The following BAIAP2L2 variants were observed in gnomAD, a reference collection of about 807,000 sequenced individuals.
BAIAP2L2 encodes BAR/IMD domain containing adaptor protein 2 like 2.
BAIAP2L2 carries 65 observed loss-of-function variants against 60.4 expected under a neutral mutation model. That is an observed-to-expected ratio of 1.08 (90% confidence interval 0.88 to 1.32). The LOEUF (loss-of-function observed/expected upper bound fraction) is 1.32. Among genes scored for constraint, BAIAP2L2 ranks in the 40% most tolerant of loss-of-function variants. The pLI, the probability that BAIAP2L2 is intolerant of heterozygous loss-of-function variation, is 0.00. For synonymous variants in BAIAP2L2, 344 were observed against 301.7 expected (o/e 1.14, Z -1.45); for missense variants, 836 against 741.2 (o/e 1.13, Z -1.48).
chr22:38,089,542 T>A lies in BAIAP2L2; in HGVS notation c.745A>T (p.Thr249Ser). The A allele has an allele frequency of 1.6e-6, 2 of 1,220,794 alleles. No homozygotes were observed. 75.6% of individuals were successfully genotyped at this position (1,220,794 alleles called of 1,614,324 possible). The change falls in exon 8 of 14, where the codon ACG becomes TCG. Residue 249 changes from threonine to serine, a missense_variant. By Grantham distance (58) the Thr-to-Ser change is moderately conservative. Transcript: ENST00000381669. ...LGPPYPSGRL[T>S]PTCLDMPPRP... ...CTCACCATGTCCAGGCAGGTGGGCG[T>A]CAGGCGGCCCGAGGGGTAGGGCGGC... is the stretch of plus-strand genomic sequence containing the variant.
At chr22:38,109,727 C>T (rs1291915286) in intron 1 of BAIAP2L2, among the ~76,000 whole-genome samples, 1 of 152,050 alleles carries the variant, frequency 6.6e-6, no homozygotes, top group African/African-American at 2.4e-5. Context: ...TGGGGCCGGG[C>T]AGAGAGCTCC....
chr22:38,093,090 C>T (rs1260433029), intron 7 of BAIAP2L2, among the ~76,000 whole-genome samples: 1 of 152,128 alleles, frequency 6.6e-6, no homozygotes, highest in Non-Finnish European at 1.5e-5. Flanking sequence ...CGCTTGAACC[C>T]AGGAGGTGGA....
intron 7 of BAIAP2L2, among the ~76,000 whole-genome samples, chr22:38,096,593 TG>T (rs1239942903): frequency 6.6e-6 from 1 of 152,140 alleles, no homozygotes; most frequent in Non-Finnish European, 1.5e-5. Context: ...AGGGAGAGGT[TG>T]CAGTGAGCCG....
intron 4 of BAIAP2L2, among the ~76,000 whole-genome samples, chr22:38,104,665 GT>G (rs1229725938): frequency 6.6e-6 from 1 of 151,700 alleles, no homozygotes; most frequent in Non-Finnish European, 1.5e-5. Flanking sequence ...CCGGCTAATT[GT>G]TTTGTATTTT....
intron 4 of BAIAP2L2, among the ~76,000 whole-genome samples, chr22:38,105,479 A>C (rs1227487176): frequency 6.6e-6 from 1 of 151,144 alleles, no homozygotes; most frequent in Non-Finnish European, 1.5e-5. Flanking sequence ...AGCTGGGATT[A>C]CAGGCGCCCG....
At position 38,085,354 on chromosome 22, in the gene BAIAP2L2, A is replaced by G. The variant is rs2145911991; in HGVS notation, c.1536T>C (p.Thr512=). The G allele has an allele frequency of 1.9e-6, 3 of 1,614,080 alleles. No individual in the cohort carries two copies. Among genetic ancestry groups the G allele is most frequent in the Non-Finnish European group, 2.5e-6 (3 of 1,179,968 alleles). The change falls in exon 14 of 14, where the codon ACT becomes ACC. Residue 512 remains threonine (T), a synonymous_variant. Coordinates refer to ENST00000381669, the MANE Select transcript of BAIAP2L2 (RefSeq NM_025045.6). ...LFPRGTNPFA[T]VKLRPTITND... ...TGGTGATGGTGGGACGAAGCTTGAC[A>G]GTGGCAAAAGGATTTGTGCCCCTGT...
intron 6 of BAIAP2L2, among the ~76,000 whole-genome samples, chr22:38,097,823 G>C (rs2086474139): frequency 6.6e-6 from 1 of 152,156 alleles, no homozygotes; most frequent in Non-Finnish European, 1.5e-5. Context: ...GGAGAGGCCC[G>C]GGGATTCTGG....
chr22:38,099,365 C>A (rs1442698165), intron 4 of BAIAP2L2, among the ~76,000 whole-genome samples: 1 of 152,060 alleles, frequency 6.6e-6, no homozygotes, highest in Admixed American at 6.5e-5. Context: ...GAAACCCCAT[C>A]TCTACTAAAA....
In BAIAP2L2 at chr22:38,087,188, T is replaced by C. The variant is rs199842190; in HGVS notation, c.1195A>G (p.Met399Val). The C allele has an allele frequency of 4.0e-4, 643 of 1,601,080 alleles. 2 individuals carry two copies. The highest frequency in any genetic ancestry group is 9.2e-4 in the Admixed American group (52 of 56,720). ...GGGGACATGGAGGTCATGGAGGTCA[T>C]GGGGGTCACGGGGGTCATGGGATTC... ...PVNPMTPVTP[M>V]TSMTSMSPMT... Residue 399 changes from methionine (M) to valine (V), a missense_variant, in exon 11 of 14, where the codon ATG becomes GTG. Coordinates refer to ENST00000381669, the MANE Select transcript of BAIAP2L2 (RefSeq NM_025045.6).
intron 4 of BAIAP2L2, among the ~76,000 whole-genome samples, chr22:38,106,275 T>G (rs1409228409): frequency 1.3e-5 from 2 of 152,020 alleles, no homozygotes; most frequent in Non-Finnish European, 2.9e-5. Flanking sequence ...TCCCAGCACT[T>G]TGGGAGGCCG....
intron 4 of BAIAP2L2, among the ~76,000 whole-genome samples, chr22:38,101,495 T>C (rs2086567396): frequency 1.5e-5 from 2 of 132,558 alleles, no homozygotes; most frequent in South Asian, 4.8e-4. Context: ...TGCAATGAGC[T>C]GTGACTGCAC....
rs558341270 is a variant in BAIAP2L2 at position 38,097,181 on chromosome 22, G to T, written c.466-3C>A. The T allele has an allele frequency of 4.7e-5, 74 of 1,582,594 alleles. No individual in the cohort carries two copies. The highest frequency in any genetic ancestry group is 8.5e-5 in the Admixed American group (5 of 58,624). ...GCGTGCAGCCGGTTCACACTCTCCT[G>T]GGGGGGAACGGGAGTTCTGGCTGGG... On this transcript the variant is annotated splice_region_variant and splice_polypyrimidine_tract_variant and intron_variant, in intron 6 of 13. Transcript: ENST00000381669.
chr22:38,085,873 C>T (rs150704338), intron 12 of BAIAP2L2, 141 bp from the exon 13 acceptor site: 3 of 856,514 alleles, frequency 3.5e-6, no homozygotes, highest in African/African-American at 1.7e-5. Context: ...GAAAATGAGA[C>T]CCTGACGTTC....
Position 38,085,679 on chromosome 22 carries a change from G to GACTC in BAIAP2L2, c.1514+3_1514+6dup. On this transcript the variant is annotated splice_region_variant and intron_variant, in intron 13 of 13. Coordinates refer to ENST00000381669, the MANE Select transcript of BAIAP2L2 (RefSeq NM_025045.6). ...CTCACTGTTTGGGCCCCCATGTGAG[G>GACTC]ACTCACCTCGGGAAGAGCTCCTGTG... 6.2e-7 allele frequency: 1 copy of GACTC among 1,613,138 alleles called. No homozygotes were observed. Among genetic ancestry groups the GACTC allele is most frequent in the African/African-American group, 1.3e-5 (1 of 75,012 alleles).
At position 38,108,306 on chromosome 22, in the gene BAIAP2L2, T is replaced by C. The variant is rs1283599122; in HGVS notation, c.163A>G (p.Ile55Val). ...AGGGCACGCTCCCCAATCTTCTGGA[T>C]GGCACTGAAGTAGACCTCGGCCGCC... is the stretch of plus-strand genomic sequence containing the variant. ...SEAAEVYFSAIQKIGERALQS... is the reference protein window; with the variant it reads ...SEAAEVYFSAVQKIGERALQS... Residue 55 changes from isoleucine to valine, a missense_variant, in exon 3 of 14, where the codon ATC becomes GTC. Ile to Val is a conservative substitution (Grantham distance 29, BLOSUM62 3). Coordinates refer to ENST00000381669, the MANE Select transcript of BAIAP2L2 (RefSeq NM_025045.6). 3.1e-6 allele frequency: 5 copies of C among 1,612,800 alleles called. No individual in the cohort carries two copies. Among genetic ancestry groups the C allele is most frequent in the Middle Eastern group, 1.7e-4 (1 of 6,060 alleles).
intron 4 of BAIAP2L2, among the ~76,000 whole-genome samples, chr22:38,107,175 G>A (rs754021807): frequency 1.6e-4 from 25 of 152,258 alleles, no homozygotes; most frequent in East Asian, 3.9e-4. Flanking sequence ...AGCTAAGAAC[G>A]GACAGAATCA....
At chr22:38,102,524 A>C (rs747150135) in intron 4 of BAIAP2L2, among the ~76,000 whole-genome samples, 3 of 152,164 alleles carry the variant, frequency 2.0e-5, no homozygotes, top group Non-Finnish European at 2.9e-5. Context: ...AATCCAATAG[A>C]AAGTTATTAT....
chr22:38,100,807 T>C (rs2146017256), intron 4 of BAIAP2L2, among the ~76,000 whole-genome samples: 1 of 152,300 alleles, frequency 6.6e-6, no homozygotes, highest in South Asian at 2.1e-4. Context: ...ATTCATACAA[T>C]GCAACAACAT....
At chr22:38,086,986 ACT>A (rs1338287344) in intron 11 of BAIAP2L2, 136 bp downstream of exon 11, 7 of 1,144,454 alleles carry the variant, frequency 6.1e-6, no homozygotes, top group Non-Finnish European at 8.0e-6. Flanking sequence ...ACAGGGTGAG[ACT>A]CTGTCTCAAA....
Sources: gnomAD v4.1 joint callset for allele counts (sites outside exome capture counted in the v4.1 genomes callset) on GRCh38, gnomAD v4.1.1 for gene constraint, MANE v1.5 for transcripts, NCBI Gene and HGNC (gene_info 2026-07-23, HGNC 2026-07-21) for gene names.